The following EPHA7 variants were observed in gnomAD, a reference collection of about 807,000 sequenced individuals.
The protein encoded by EPHA7 is ephrin type-A receptor 7.
Under a neutral mutation model 112.6 loss-of-function variants are expected in EPHA7, and 25 were observed. The observed-to-expected ratio is 0.22, with a 90% CI of 0.16 to 0.31. The LOEUF is 0.31. EPHA7 is among the 10% of genes least tolerant of loss of function. The probability of loss-of-function intolerance (pLI) is 1.00; values close to 1 mark genes in which losing one functional copy is unlikely to be tolerated. For missense variants in EPHA7, 962 were observed against 1,212.6 expected (o/e 0.79, Z 3.07); for synonymous variants, 437 against 406.5 (o/e 1.07, Z -0.90).
chr6:93,275,943 A>G (rs1294480468), intron 5 of EPHA7, among the ~76,000 whole-genome samples: 2 of 151,996 alleles, frequency 1.3e-5, no homozygotes, highest in Non-Finnish European at 2.9e-5. Flanking sequence ...TTTATTCATA[A>G]GGTCTATGTA....
intron 5 of EPHA7, among the ~76,000 whole-genome samples, chr6:93,280,722 A>G (rs1168540760): frequency 6.6e-6 from 1 of 152,188 alleles, no homozygotes; most frequent in Non-Finnish European, 1.5e-5. Context: ...GGATAATCAG[A>G]ATACTTACAT....
chr6:93,418,533 G>C (rs1016982627), intron 1 of EPHA7, among the ~76,000 whole-genome samples: 1 of 152,180 alleles, frequency 6.6e-6, no homozygotes, highest in African/African-American at 2.4e-5. Flanking sequence ...GACCAAGCCC[G>C]CTGGGCTGCC....
At position 93,241,648 on chromosome 6, in the gene EPHA7, T is replaced by C. The variant is rs1037369140; in HGVS notation, c.*1778A>G. 4.5e-6 allele frequency: 1 copy of C among 222,548 alleles called. No individual in the cohort carries two copies. Among genetic ancestry groups the C allele is most frequent in the Admixed American group, 5.8e-5 (1 of 17,356 alleles). 13.8% of individuals were successfully genotyped at this position (222,548 alleles called of 1,614,324 possible). ...ACCAAAAAAAAAGGGTGGGGAGGGG[T>C]TTGGGAAGCAATCCATTTGAGTTTT... On this transcript the variant is annotated 3_prime_UTR_variant, in exon 17 of 17. Transcript: ENST00000369303.
chr6:93,255,764 T>A (rs1410855692), intron 13 of EPHA7, 64 bp downstream of exon 13: 1 of 1,399,756 alleles, frequency 7.1e-7, no homozygotes, highest in African/African-American at 1.4e-5. Context: ...CATTATTAGG[T>A]CCTGCTTTCG....
chr6:93,335,977 T>A (rs909474224), intron 5 of EPHA7, among the ~76,000 whole-genome samples: 3 of 152,076 alleles, frequency 2.0e-5, no homozygotes, highest in Non-Finnish European at 4.4e-5. Context: ...TGCTATAACC[T>A]ACAAGAGAGG....
In EPHA7 at chr6:93,243,112, T is replaced by C. The variant is rs1263407068; in HGVS notation, c.*314A>G. The C allele has an allele frequency of 3.9e-6, 1 of 254,182 alleles. No homozygotes were observed. Among genetic ancestry groups the C allele is most frequent in the African/African-American group, 2.2e-5 (1 of 45,998 alleles). The allele number at this position is 254,182 out of a possible 1,614,324, so 15.7% of individuals were successfully genotyped here. A position where few individuals can be genotyped will look rare whatever the true frequency, so the allele number is the denominator to read the frequency against. On this transcript the variant is annotated 3_prime_UTR_variant, in exon 17 of 17. Transcript: ENST00000369303. The stretch of plus-strand genomic sequence containing the variant: ...GACAAATATATTCTTTCTTAAATTC[T>C]TTATGTACATTTTAAAAAGTCTATA...
chr6:93,361,401 A>G (rs1776254778), intron 3 of EPHA7, among the ~76,000 whole-genome samples: 1 of 152,088 alleles, frequency 6.6e-6, no homozygotes, highest in Admixed American at 6.6e-5. Flanking sequence ...CTCTTATAAT[A>G]ACAGTGATCT....
At chr6:93,316,761 C>T (rs1773833886) in intron 5 of EPHA7, among the ~76,000 whole-genome samples, 4 of 152,184 alleles carry the variant, frequency 2.6e-5, no homozygotes, top group Admixed American at 2.0e-4. Flanking sequence ...TCAAGAATTT[C>T]CTATTGATAC....
chr6:93,259,467 C>T lies in EPHA7; in HGVS notation c.1811G>A (p.Gly604Asp). The T allele has an allele frequency of 6.2e-7, 1 of 1,611,318 alleles. No homozygotes were observed. Among genetic ancestry groups the T allele is most frequent in the Non-Finnish European group, 8.5e-7 (1 of 1,178,008 alleles). The change falls in exon 10 of 17, where the codon GGC becomes GAC. Residue 604 changes from glycine to aspartate, a missense_variant. Gly to Asp is a moderately conservative substitution (Grantham distance 94, BLOSUM62 -1). Around this residue, in one of 3 missense-constraint regions of EPHA7, gnomAD observed 746 missense variants for 889.2 expected, o/e 0.84. Coordinates refer to ENST00000369303, the MANE Select transcript of EPHA7 (RefSeq NM_004440.4). ...TTCAGGGTCAATGTAGGTTTTGGTG[C>T]CTGGAAATTTAACTGTAATGATGTA... ...EELYFHFKFPGTKTYIDPETY... is the reference protein window; with the variant it reads ...EELYFHFKFPDTKTYIDPETY...
chr6:93,320,264 T>C (rs985761230), intron 5 of EPHA7, among the ~76,000 whole-genome samples: 12 of 152,066 alleles, frequency 7.9e-5, no homozygotes, highest in African/African-American at 2.9e-4. Flanking sequence ...ATTTTAATAT[T>C]AAGAAGTTTC....
At chr6:93,319,456 A>C (rs1274776295) in intron 5 of EPHA7, among the ~76,000 whole-genome samples, 6 of 152,114 alleles carry the variant, frequency 3.9e-5, no homozygotes, top group Non-Finnish European at 5.9e-5. Flanking sequence ...CCTGGAATAC[A>C]TGAATGAGGG....
intron 3 of EPHA7, among the ~76,000 whole-genome samples, chr6:93,397,077 G>A (rs114369389): frequency 0.01 from 1,535 of 151,338 alleles, 21 homozygotes; most frequent in African/African-American, 0.034. Context: ...AATTTCTTCA[G>A]CCAAAAGCTT....
intron 3 of EPHA7, among the ~76,000 whole-genome samples, chr6:93,395,805 G>A (rs1331786118): frequency 6.6e-6 from 1 of 151,850 alleles, no homozygotes; most frequent in Non-Finnish European, 1.5e-5. Flanking sequence ...AGCTGCCACT[G>A]AAGAAGATGG....
rs1408294125 is a variant in EPHA7, at chr6:93,319,495, C to T, written c.1324+37222G>A. On this transcript the variant is annotated intron_variant, in intron 5 of 16. Coordinates refer to ENST00000369303, the MANE Select transcript of EPHA7 (RefSeq NM_004440.4). ...AAGTGGTAAGAGCTGAGACCACAGACGCTGAGGAGGTGGGATAGGCAGCAG... is the reference window on the plus strand; with the variant it reads ...AAGTGGTAAGAGCTGAGACCACAGATGCTGAGGAGGTGGGATAGGCAGCAG... 3.9e-5 allele frequency among the ~76,000 whole-genome samples: 6 copies of T among 152,192 alleles called. No homozygotes were observed. In the South Asian group the frequency reaches 8.3e-4, roughly 21 times the overall value.
chr6:93,294,285 A>G (rs971116205), intron 5 of EPHA7, among the ~76,000 whole-genome samples: 2 of 152,192 alleles, frequency 1.3e-5, no homozygotes, highest in African/African-American at 4.8e-5. Context: ...ACTAAAATAA[A>G]TTCTTTTTCA....
chr6:93,275,058 C>A (rs1771406161), intron 5 of EPHA7, among the ~76,000 whole-genome samples: 1 of 151,586 alleles, frequency 6.6e-6, no homozygotes, highest in South Asian at 2.1e-4. Flanking sequence ...CACTCTTACA[C>A]CAAAATATTC....
At chr6:93,390,221 C>CAA in intron 3 of EPHA7, among the ~76,000 whole-genome samples, 1 of 125,612 alleles carries the variant, frequency 8.0e-6, no homozygotes, top group African/African-American at 2.9e-5. Context: ...TCTGGATTCT[C>CAA]AAAAAAAAAA....
At chr6:93,274,720 T>C (rs535360047) in intron 5 of EPHA7, among the ~76,000 whole-genome samples, 2 of 151,960 alleles carry the variant, frequency 1.3e-5, no homozygotes, top group African/African-American at 2.4e-5. Flanking sequence ...CCCTTGAGAA[T>C]GGATAAACTG....
intron 9 of EPHA7, chr6:93,260,417 CAAAGAT>C: frequency 1.9e-6 from 1 of 535,128 alleles, no homozygotes; most frequent in Non-Finnish European, 2.4e-6. Context: ...TGGTAAAAGA[CAAAGAT>C]AAGATAGATA....
Sources: allele counts gnomAD v4.1 joint callset (sites outside exome capture counted in the v4.1 genomes callset), GRCh38; gene constraint gnomAD v4.1.1; regional missense constraint gnomAD v4.1.1; transcripts MANE v1.5; gene names NCBI Gene and HGNC (gene_info 2026-07-23, HGNC 2026-07-21).